Variants in SH3BP5L observed in about 807,000 individuals in gnomAD.
SH3BP5L encodes SH3 binding domain protein 5 like.
Under a neutral mutation model 40.9 loss-of-function variants are expected in SH3BP5L, and 16 were observed. The ratio of observed to expected loss-of-function variants is 0.39; its 90% confidence interval spans 0.27 to 0.59. The LOEUF (loss-of-function observed/expected upper bound fraction) is 0.59. SH3BP5L is among the 20% of genes least tolerant of loss of function. The pLI, the probability that SH3BP5L is intolerant of heterozygous loss-of-function variation, is 0.53. For synonymous variants in SH3BP5L, 229 were observed against 226.7 expected (o/e 1.01, Z -0.09); for missense variants, 471 against 544.6 (o/e 0.86, Z 1.35).
At chr1:248,814,632 G>C in intron 4 of SH3BP5L, 22 bp from the exon 5 acceptor site, 1 of 1,614,146 alleles carries the variant, frequency 6.2e-7, no homozygotes, top group Non-Finnish European at 8.5e-7. Context: ...GGGATATCAG[G>C]ATGGGGAACC....
At position 248,825,003 on chromosome 1, in the gene SH3BP5L, T is replaced by C. The variant is rs1025205550; in HGVS notation, c.-68A>G. On this transcript the variant is annotated 5_prime_UTR_variant, in exon 2 of 7. Coordinates refer to ENST00000366472, the MANE Select transcript of SH3BP5L (RefSeq NM_030645.3). ...GACATGCTGGGACCAGGGCCCCAGC[T>C]TGGGGCTTCCTGGGCTCTAGATGGC... The C allele has an allele frequency of 5.1e-5, 77 of 1,523,198 alleles. No homozygotes were observed. Among genetic ancestry groups the C allele is most frequent in the Non-Finnish European group, 6.0e-5 (69 of 1,141,278 alleles). 94.4% of individuals were successfully genotyped at this position (1,523,198 alleles called of 1,614,324 possible). A position where few individuals can be genotyped will look rare whatever the true frequency, so the allele number is the denominator to read the frequency against.
Position 248,825,194 on chromosome 1 carries a change from C to A in SH3BP5L, c.-259G>T. The stretch of plus-strand genomic sequence containing the variant: ...GCCACAGGGAGTCCACTGTGACAAA[C>A]CCGGAGCAACAGCTCCAAGGCAGGG... On this transcript the variant is annotated 5_prime_UTR_variant, in exon 2 of 7. Coordinates refer to ENST00000366472, the MANE Select transcript of SH3BP5L (RefSeq NM_030645.3). The A allele has an allele frequency of 4.9e-6, 6 of 1,231,314 alleles. No homozygotes were observed. The highest frequency in any genetic ancestry group is 6.1e-6 in the Non-Finnish European group (6 of 982,692). 76.3% of individuals were successfully genotyped at this position (1,231,314 alleles called of 1,614,324 possible).
chr1:248,819,221 G>A (rs1259654703), intron 2 of SH3BP5L, among the ~76,000 whole-genome samples: 1 of 152,142 alleles, frequency 6.6e-6, no homozygotes. Flanking sequence ...AACGAGGAAT[G>A]AGGATATGAA....
intron 1 of SH3BP5L, 115 bp from the exon 2 acceptor site, chr1:248,825,481 T>C (rs1251041424): frequency 2.8e-6 from 2 of 705,028 alleles, no homozygotes; most frequent in African/African-American, 3.9e-5. Context: ...CCCCCACCCA[T>C]GTATTCCGAC....
At chr1:248,817,388 G>A (rs972499844) in intron 2 of SH3BP5L, among the ~76,000 whole-genome samples, 9 of 152,208 alleles carry the variant, frequency 5.9e-5, no homozygotes, top group African/African-American at 2.2e-4. Flanking sequence ...GTGGCAGCCT[G>A]TAAGGAAACC....
chr1:248,813,845 G>A (rs1008822953), intron 5 of SH3BP5L: 7 of 160,374 alleles, frequency 4.4e-5, no homozygotes, highest in East Asian at 3.7e-4. Flanking sequence ...CCCTCCCCCC[G>A]TGCTGTGTGC....
At position 248,825,835 on chromosome 1, in the gene SH3BP5L, C is replaced by T. The variant is rs1664366769; in HGVS notation, c.-432G>A. The T allele has an allele frequency of 1.0e-6, 1 of 979,688 alleles. No homozygotes were observed. The highest frequency in any genetic ancestry group is 1.2e-6 in the Non-Finnish European group (1 of 824,802). 60.7% of individuals were successfully genotyped at this position (979,688 alleles called of 1,614,324 possible). A position where few individuals can be genotyped will look rare whatever the true frequency, so the allele number is the denominator to read the frequency against. On this transcript the variant is annotated splice_region_variant and 5_prime_UTR_variant, in exon 1 of 7. Transcript: ENST00000366472. ...GCAAAAGCCCCCCGCACAGCCTTAC[C>T]TCAGTTTACCTTCCCGTCCGCGGAG...
chr1:248,816,146 G>A (rs769395693), intron 4 of SH3BP5L: 1 of 179,126 alleles, frequency 5.6e-6, no homozygotes, highest in Non-Finnish European at 1.2e-5. Flanking sequence ...GGAAAAGAGT[G>A]AGGAGTAAGC....
At position 248,814,506 on chromosome 1, in the gene SH3BP5L, A is replaced by G; in HGVS notation, c.480T>C (p.Ala160=). 1 of 1,614,244 alleles carries G rather than the reference A, an allele frequency of 6.2e-7. No homozygotes were observed. The highest frequency in any genetic ancestry group is 8.5e-7 in the Non-Finnish European group (1 of 1,180,046). ...MVFVAEQGVM[A]DKNRLDPTWQ... is the part of the protein sequence containing the mutation. ...ACGTGGGGTCCAGTCGGTTCTTGTC[A>G]GCCATGACGCCCTGCTCAGCCACAA... Residue 160 remains alanine, a synonymous_variant, in exon 5 of 7, where the codon GCT becomes GCC. Transcript: ENST00000366472.
At chr1:248,818,301 T>C (rs1420325337) in intron 2 of SH3BP5L, among the ~76,000 whole-genome samples, 1 of 151,680 alleles carries the variant, frequency 6.6e-6, no homozygotes, top group East Asian at 1.9e-4. Context: ...TAAGCCCAGA[T>C]CGTGCCACTG....
intron 2 of SH3BP5L, among the ~76,000 whole-genome samples, chr1:248,817,590 C>A (rs905537090): frequency 1.3e-5 from 2 of 152,202 alleles, no homozygotes; most frequent in East Asian, 3.8e-4. Context: ...AGGTGGCTCA[C>A]GCCTGTAATC....
In SH3BP5L at chr1:248,811,881, A is replaced by C. The variant is rs1159370499; in HGVS notation, c.*19T>G. 6.7e-7 allele frequency: 1 copy of C among 1,485,298 alleles called. No homozygotes were observed. 92.0% of individuals were successfully genotyped at this position (1,485,298 alleles called of 1,614,324 possible). On this transcript the variant is annotated 3_prime_UTR_variant, in exon 7 of 7. Coordinates refer to ENST00000366472, the MANE Select transcript of SH3BP5L (RefSeq NM_030645.3). ...CGGCCCGTGGTGGCAGATTCAAGCC[A>C]GGAACCCTGGCCCCTCGGCTACAGG...
intron 5 of SH3BP5L, chr1:248,814,009 C>G (rs951920020): frequency 5.5e-6 from 1 of 181,856 alleles, no homozygotes; most frequent in South Asian, 1.1e-4. Flanking sequence ...GAGATCCTTC[C>G]GCTCCCCAGT....
Position 248,812,738 on chromosome 1 carries a change from T to C in SH3BP5L, c.711+251A>G, listed in dbSNP as rs113052125. Among the ~76,000 whole-genome samples, 5 of 152,244 alleles carry C rather than the reference T, an allele frequency of 3.3e-5. No homozygotes were observed. Among genetic ancestry groups the C allele is most frequent in the Non-Finnish European group, 7.4e-5 (5 of 67,990 alleles). On this transcript the variant is annotated intron_variant, in intron 6 of 6. Transcript: ENST00000366472. This position sits in a 1 kb window ranked among gnomAD's most constrained non-coding sequence, Gnocchi z 6.1. ...TTCCCCATCCCAGATTTCCACCAGTTCTTTTCCTCTTGTTTACCTCCCTTC... is the reference window on the plus strand; with the variant it reads ...TTCCCCATCCCAGATTTCCACCAGTCCTTTTCCTCTTGTTTACCTCCCTTC...
In SH3BP5L at chr1:248,811,795, G is replaced by A. The variant is rs1663934824; in HGVS notation, c.*105C>T. 1 of 866,550 alleles carries A rather than the reference G, an allele frequency of 1.2e-6. No homozygotes were observed. The highest frequency in any genetic ancestry group is 1.7e-5 in the African/African-American group (1 of 58,210). 53.7% of individuals were successfully genotyped at this position (866,550 alleles called of 1,614,324 possible). On this transcript the variant is annotated 3_prime_UTR_variant, in exon 7 of 7. Transcript: ENST00000366472. ...CCTCTCCCAGGGAAGCACTGGAGAA[G>A]GGGACCTTCGGGAAGACGAGGCCCC...
Position 248,814,513 on chromosome 1 carries a change from A to G in SH3BP5L, c.473T>C (p.Val158Ala). 3 of 1,614,130 alleles carry G rather than the reference A, an allele frequency of 1.9e-6. No individual in the cohort carries two copies. Among genetic ancestry groups the G allele is most frequent in the Non-Finnish European group, 2.5e-6 (3 of 1,180,030 alleles). ...REMVFVAEQG[V>A]MADKNRLDPT... ...GTCCAGTCGGTTCTTGTCAGCCATG[A>G]CGCCCTGCTCAGCCACAAACACCAT... Residue 158 changes from valine (V) to alanine (A), a missense_variant, in exon 5 of 7, where the codon GTC becomes GCC. By Grantham distance (64) the Val-to-Ala change is moderately conservative. Around this residue, in one of 2 missense-constraint regions of SH3BP5L, gnomAD observed 275 missense variants for 370.1 expected, o/e 0.74. Coordinates refer to ENST00000366472, the MANE Select transcript of SH3BP5L (RefSeq NM_030645.3).
chr1:248,816,494 C>A (rs758253611), intron 4 of SH3BP5L, 40 bp downstream of exon 4: 3 of 1,612,268 alleles, frequency 1.9e-6, no homozygotes, highest in Non-Finnish European at 2.5e-6. Context: ...GGGCCAGGCT[C>A]AGCACGTAGC....
rs545499217 is a variant in SH3BP5L at position 248,812,734 on chromosome 1, C to T, written c.711+255G>A. Among the ~76,000 whole-genome samples, 17 of 152,286 alleles carry T rather than the reference C, an allele frequency of 1.1e-4. No individual in the cohort carries two copies. In the South Asian group the frequency reaches 2.1e-3, roughly 19 times the overall value. On this transcript the variant is annotated intron_variant, in intron 6 of 6. Transcript: ENST00000366472. This position sits in a 1 kb window ranked among gnomAD's most constrained non-coding sequence, Gnocchi z 6.1. ...CTTCTTCCCCATCCCAGATTTCCAC[C>T]AGTTCTTTTCCTCTTGTTTACCTCC...
chr1:248,816,913 G>A (rs1664122823), intron 2 of SH3BP5L, 29 bp from the exon 3 acceptor site: 1 of 1,613,738 alleles, frequency 6.2e-7, no homozygotes, highest in African/African-American at 1.3e-5. Context: ...GCAAATTAGT[G>A]CAGTGGAAGG....
Sources: gnomAD v4.1 joint callset for allele counts (sites outside exome capture counted in the v4.1 genomes callset) on GRCh38, gnomAD v4.1.1 for gene constraint, gnomAD v4.1.1 regional missense constraint, Gnocchi (gnomAD v3.1) non-coding constraint, MANE v1.5 for transcripts, NCBI Gene and HGNC (gene_info 2026-07-23, HGNC 2026-07-21) for gene names.